Variants in PROS1 observed in about 807,000 individuals in gnomAD.
The protein encoded by PROS1 is protein S, also known as vitamin K-dependent protein S.
PROS1 carries 29 observed loss-of-function variants against 75.9 expected under a neutral mutation model. The ratio of observed to expected loss-of-function variants is 0.38; its 90% CI spans 0.28 to 0.52. The LOEUF is 0.52. PROS1 is among the 20% of genes least tolerant of loss of function. PROS1 has a pLI of 0.83. For missense variants in PROS1, 680 were observed against 810.3 expected (o/e 0.84, Z 1.95); for synonymous variants, 245 against 280.6 (o/e 0.87, Z 1.27).
At chr3:93,939,484 G>C (rs943760919) in intron 1 of PROS1, among the ~76,000 whole-genome samples, 2 of 151,816 alleles carry the variant, frequency 1.3e-5, no homozygotes, top group Non-Finnish European at 2.9e-5. Context: ...ATTCTTCCTC[G>C]GCCTCCACTC....
At chr3:93,901,503 A>C (rs1270579146) in intron 6 of PROS1, among the ~76,000 whole-genome samples, 2 of 152,234 alleles carry the variant, frequency 1.3e-5, no homozygotes, top group East Asian at 3.8e-4. Flanking sequence ...AGAAGGAGAT[A>C]ACATATTGTT....
At chr3:93,938,330 T>C (rs536828576) in intron 1 of PROS1, among the ~76,000 whole-genome samples, 3 of 152,038 alleles carry the variant, frequency 2.0e-5, no homozygotes, top group Admixed American at 6.5e-5. Flanking sequence ...CACCCCTATC[T>C]CCCTTTGCTG....
rs530208158 is a variant in PROS1, at chr3:93,879,069, C to A, written c.1644+94G>T. Reference sequence around the variant, plus strand: ...CTTTACATAAGTTACTTTATTTAATCTTCAAAATAGTCCTTTGAGGTAAAT... The same window carrying A: ...CTTTACATAAGTTACTTTATTTAATATTCAAAATAGTCCTTTGAGGTAAAT... On this transcript the variant is annotated intron_variant, in intron 13 of 14. Transcript: ENST00000394236. The A allele has an allele frequency of 1.3e-5, 17 of 1,269,458 alleles. No individual in the cohort carries two copies. The Admixed American group carries it at 3.4e-4, about 26-fold the overall frequency. The allele number at this position is 1,269,458 out of a possible 1,614,324, so 78.6% of individuals were successfully genotyped here. A position where few individuals can be genotyped will look rare whatever the true frequency, so the allele number is the denominator to read the frequency against.
chr3:93,896,453 G>A, intron 9 of PROS1, 123 bp downstream of exon 9: 1 of 772,896 alleles, frequency 1.3e-6, no homozygotes, highest in Admixed American at 1.9e-5. Flanking sequence ...TCATCTGATT[G>A]GTAATATGAC....
rs756478197 is a variant in PROS1, at chr3:93,884,792, C to T, written c.1428G>A (p.Leu476=). 6.2e-7 allele frequency: 1 copy of T among 1,613,802 alleles called. No individual in the cohort carries two copies. The highest frequency in any genetic ancestry group is 1.1e-5 in the South Asian group (1 of 91,024). Residue 476 remains leucine (L), a synonymous_variant, in exon 12 of 15, where the codon CTG becomes CTA. Coordinates refer to ENST00000394236, the MANE Select transcript of PROS1 (RefSeq NM_000313.4). ...IIQEKQNKHC[L]VTVEKGSYYP... Reference sequence around the variant, plus strand: ...AGTAGGAGCCCTTCTCCACAGTAACCAGGCAATGCTTATTTTGTTTTTCTT... The same window carrying T: ...AGTAGGAGCCCTTCTCCACAGTAACTAGGCAATGCTTATTTTGTTTTTCTT...
intron 1 of PROS1, among the ~76,000 whole-genome samples, chr3:93,944,688 C>G (rs1239365680): frequency 3.9e-5 from 6 of 152,138 alleles, no homozygotes; most frequent in African/African-American, 1.4e-4. Flanking sequence ...GCACTAAATG[C>G]CCACAAGAGA....
At position 93,973,689 on chromosome 3, in the gene PROS1, C is replaced by T. The variant is rs754518511; in HGVS notation, c.61G>A (p.Val21Ile). The stretch of plus-strand genomic sequence containing the variant: ...GATTACTCACAGTTTGCCTCTGAGA[C>T]GGGAAGCACTAGGAGGAGACACGCC... ...LLACLLLVLP[V>I]SEANFLSKQQ... is the part of the protein sequence containing the mutation. Residue 21 changes from valine (V) to isoleucine (I), a missense_variant, in exon 1 of 15, where the codon GTC becomes ATC. By Grantham distance (29) the Val-to-Ile change is conservative. Transcript: ENST00000394236. 2 of 1,613,958 alleles carry T rather than the reference C, an allele frequency of 1.2e-6. No individual in the cohort carries two copies. The highest frequency in any genetic ancestry group is 1.1e-5 in the South Asian group (1 of 91,040).
chr3:93,877,152 T>G lies in PROS1; in HGVS notation c.1684A>C (p.Ile562Leu), dbSNP rs1380889353. 6.2e-7 allele frequency: 1 copy of G among 1,610,234 alleles called. No individual in the cohort carries two copies. Among genetic ancestry groups the G allele is most frequent in the South Asian group, 1.1e-5 (1 of 90,986 alleles). Residue 562 changes from isoleucine to leucine, a missense_variant, in exon 14 of 15, where the codon ATA becomes CTA. Transcript: ENST00000394236. ...LSVENTVIYR[I>L]QALSLCSDQQ... ...TCGGAACATAGACTTAGGGCCTGTA[T>G]CCGATATATTACAGTATTTTCAACA...
intron 1 of PROS1, among the ~76,000 whole-genome samples, chr3:93,928,309 A>G (rs1709057319): frequency 6.6e-6 from 1 of 150,670 alleles, no homozygotes; most frequent in African/African-American, 2.4e-5. Context: ...CCAGCCAGTA[A>G]GACCCTCATT....
chr3:93,920,716 C>A (rs1251527373), intron 3 of PROS1, among the ~76,000 whole-genome samples: 2 of 152,000 alleles, frequency 1.3e-5, no homozygotes, highest in Admixed American at 6.6e-5. Flanking sequence ...AGAAACTATA[C>A]CTAAATTTTA....
chr3:93,952,062 G>T (rs1159990804), intron 1 of PROS1, among the ~76,000 whole-genome samples: 1 of 152,086 alleles, frequency 6.6e-6, no homozygotes, highest in East Asian at 1.9e-4. Context: ...CCCAATACAG[G>T]AGCACCCAGA....
chr3:93,928,559 C>T, intron 1 of PROS1: 1 of 262,838 alleles, frequency 3.8e-6, no homozygotes. Flanking sequence ...AAAGCCATAC[C>T]ATCTTTAAAG....
intron 1 of PROS1, among the ~76,000 whole-genome samples, chr3:93,970,065 C>T (rs755271551): frequency 1.3e-5 from 2 of 152,270 alleles, no homozygotes; most frequent in Admixed American, 1.3e-4. Flanking sequence ...AAAATCTCTC[C>T]ATCAGTGCAA....
chr3:93,956,803 C>T (rs758656222), intron 1 of PROS1, among the ~76,000 whole-genome samples: 1 of 152,130 alleles, frequency 6.6e-6, no homozygotes, highest in Non-Finnish European at 1.5e-5. Context: ...CTTTACTATG[C>T]TTGCATTAAC....
intron 6 of PROS1, 105 bp downstream of exon 6, chr3:93,905,679 T>G: frequency 8.3e-7 from 1 of 1,207,728 alleles, no homozygotes; most frequent in African/African-American, 1.5e-5. Context: ...TGTGTTAGTA[T>G]AAGCACTTAC....
At chr3:93,972,462 T>C (rs1366656372) in intron 1 of PROS1, among the ~76,000 whole-genome samples, 1 of 152,236 alleles carries the variant, frequency 6.6e-6, no homozygotes, top group East Asian at 1.9e-4. Context: ...AAAGTTTACT[T>C]TGGAGCTCTA....
At chr3:93,893,630 T>C (rs1025705986) in intron 9 of PROS1, among the ~76,000 whole-genome samples, 2 of 152,236 alleles carry the variant, frequency 1.3e-5, no homozygotes, top group African/African-American at 4.8e-5. Flanking sequence ...AAGGCATATT[T>C]TCCCTATAAT....
chr3:93,936,853 A>C (rs1709191570), intron 1 of PROS1, among the ~76,000 whole-genome samples: 1 of 152,252 alleles, frequency 6.6e-6, no homozygotes, highest in Non-Finnish European at 1.5e-5. Context: ...ACCACATAAA[A>C]ATGATATTAA....
chr3:93,922,863 A>C (rs543605585), intron 3 of PROS1, among the ~76,000 whole-genome samples: 2 of 152,348 alleles, frequency 1.3e-5, no homozygotes, highest in African/African-American at 4.8e-5. Context: ...AAAAAAAATC[A>C]TAATAAAAAG....
Sources: gnomAD v4.1 joint callset for allele counts (sites outside exome capture counted in the v4.1 genomes callset) on GRCh38, gnomAD v4.1.1 for gene constraint, MANE v1.5 for transcripts, NCBI Gene and HGNC (gene_info 2026-07-23, HGNC 2026-07-21) for gene names.